SKI: variants seen among roughly 807,000 people sequenced by gnomAD.
SKI encodes ski oncogene.
SKI carries 23 observed loss-of-function variants against 59.3 expected under a neutral mutation model. The ratio of observed to expected loss-of-function variants is 0.39; its 90% CI spans 0.28 to 0.55. SKI has a LOEUF of 0.55. Among genes scored for constraint, SKI ranks in the 20% least tolerant of loss-of-function variants. SKI has a pLI of 0.67. For missense variants in SKI, 1,017 were observed against 1,038.9 expected, an observed-to-expected ratio of 0.98 and a Z score of 0.29; for synonymous variants, 673 against 488.6, an observed-to-expected ratio of 1.38 and a Z score of -4.98.
chr1:2,249,217 G>GGGT (rs1639065902), intron 1 of SKI, among the ~76,000 whole-genome samples: 1 of 152,224 alleles, frequency 6.6e-6, no homozygotes, highest in African/African-American at 2.4e-5. Context: ...CTGGGCATCA[G>GGGT]GTCCCATTGT....
intron 1 of SKI, among the ~76,000 whole-genome samples, chr1:2,300,080 T>A (rs1276219765): frequency 6.6e-6 from 1 of 152,202 alleles, no homozygotes; most frequent in Non-Finnish European, 1.5e-5. Context: ...AGCCCAGCCC[T>A]GCCCTGCCCT....
chr1:2,299,279 G>A (rs1290473522), intron 1 of SKI, among the ~76,000 whole-genome samples: 1 of 152,192 alleles, frequency 6.6e-6, no homozygotes, highest in Non-Finnish European at 1.5e-5. Context: ...GGGCAGGCGG[G>A]GCAGCAGCTT....
intron 1 of SKI, among the ~76,000 whole-genome samples, chr1:2,293,565 C>T (rs1476776686): frequency 2.6e-5 from 4 of 152,174 alleles, no homozygotes; most frequent in Admixed American, 6.5e-5. Context: ...TTTCTTTGAA[C>T]GGTTTTTATT....
intron 1 of SKI, among the ~76,000 whole-genome samples, chr1:2,289,388 T>C (rs907329869): frequency 3.9e-5 from 6 of 151,928 alleles, no homozygotes; most frequent in Non-Finnish European, 7.4e-5. Flanking sequence ...CGAGGGCTGG[T>C]CACCACGTGG....
Position 2,306,820 on chromosome 1 carries a change from C to G in SKI, c.*55C>G. The stretch of plus-strand genomic sequence containing the variant: ...ACAACGCGGGTGCAGGGGGGCGCGG[C>G]TGGGCGGTGCAGCTCCGCCCGGCTC... On this transcript the variant is annotated 3_prime_UTR_variant, in exon 7 of 7. Transcript: ENST00000378536. 1 of 1,299,528 alleles carries G rather than the reference C, an allele frequency of 7.7e-7. No individual in the cohort carries two copies. The highest frequency in any genetic ancestry group is 9.9e-7 in the Non-Finnish European group (1 of 1,008,936). The allele number at this position is 1,299,528 out of a possible 1,614,324, so 80.5% of individuals were successfully genotyped here.
At chr1:2,282,606 G>T (rs1367225788) in intron 1 of SKI, among the ~76,000 whole-genome samples, 2 of 152,196 alleles carry the variant, frequency 1.3e-5, no homozygotes, top group Non-Finnish European at 2.9e-5. Flanking sequence ...ACCAGGGCAG[G>T]GCCTCCGAAC....
intron 1 of SKI, among the ~76,000 whole-genome samples, chr1:2,294,657 C>T (rs914390292): frequency 6.6e-6 from 1 of 152,252 alleles, no homozygotes; most frequent in Admixed American, 6.5e-5. Flanking sequence ...TGCTGGTTGC[C>T]AGGGATGGCT....
Position 2,229,275 on chromosome 1 carries a change from C to A in SKI, c.509C>A (p.Ser170Ter). Residue 170 changes from serine to a stop codon, truncating the protein, a stop_gained, in exon 1 of 7, where the codon TCG becomes TAG. Coordinates refer to ENST00000378536, the MANE Select transcript of SKI (RefSeq NM_003036.4). LOFTEE classifies it high-confidence loss of function. The surrounding 1 kb of genome is among the most constrained non-coding windows in gnomAD (Gnocchi z 6.3). ...AAAGTCATGGGCATCCTGCCCTTCT[C>A]GGCGCCCTCGTGCGGGCTCATCACC... is the stretch of plus-strand genomic sequence containing the variant. ...ILKVMGILPF[S>*]APSCGLITKT... The A allele has an allele frequency of 6.3e-7, 1 of 1,596,694 alleles. No individual in the cohort carries two copies.
At chr1:2,257,507 C>T (rs1557824276) in intron 1 of SKI, among the ~76,000 whole-genome samples, 1 of 152,244 alleles carries the variant, frequency 6.6e-6, no homozygotes, top group Non-Finnish European at 1.5e-5. Flanking sequence ...GGCCCCCAGC[C>T]GCCTCCTCCC....
chr1:2,258,405 A>T (rs763160419), intron 1 of SKI, among the ~76,000 whole-genome samples: 28 of 152,058 alleles, frequency 1.8e-4, no homozygotes, highest in Non-Finnish European at 2.9e-4. Flanking sequence ...GGCGTCATGG[A>T]AGAACAGCAG....
chr1:2,256,194 C>T lies in SKI; in HGVS notation c.969+26459C>T, dbSNP rs118018485. On this transcript the variant is annotated intron_variant, in intron 1 of 6. Coordinates refer to ENST00000378536, the MANE Select transcript of SKI (RefSeq NM_003036.4). ...TATCTGTGCCACTCTGTGTCCTGAC[C>T]TCATTTCCTGTCTGGAGCACTCTGT... 4.0e-4 allele frequency among the ~76,000 whole-genome samples: 60 copies of T among 151,778 alleles called. No individual in the cohort carries two copies. In the East Asian group the frequency reaches 0.012, roughly 29 times the overall value.
intron 1 of SKI, among the ~76,000 whole-genome samples, chr1:2,230,624 C>T (rs1039579729): frequency 2.0e-5 from 3 of 152,282 alleles, no homozygotes; most frequent in Non-Finnish European, 2.9e-5. Context: ...CTATGGGATC[C>T]GGCATGGGCA....
Position 2,309,242 on chromosome 1 carries a change from G to C in SKI, c.*2477G>C, listed in dbSNP as rs576474146. ...TCAGCAGAAGGGGGAAGAGGTGTCC[G>C]CTGTGTGGGCTGCTGACTCCTCTGT... On this transcript the variant is annotated 3_prime_UTR_variant, in exon 7 of 7. Transcript: ENST00000378536. 1 of 152,222 alleles carries C rather than the reference G, an allele frequency of 6.6e-6. No homozygotes were observed. Among genetic ancestry groups the C allele is most frequent in the Non-Finnish European group, 1.5e-5 (1 of 68,040 alleles). The allele number at this position is 152,222 out of a possible 1,614,324, so 9.4% of individuals were successfully genotyped here. A position where few individuals can be genotyped will look rare whatever the true frequency, so the allele number is the denominator to read the frequency against.
intron 1 of SKI, among the ~76,000 whole-genome samples, chr1:2,293,342 T>C (rs896231953): frequency 2.0e-5 from 3 of 151,620 alleles, no homozygotes; most frequent in Non-Finnish European, 2.9e-5. Flanking sequence ...GGGCCCTGAG[T>C]GGTGTTGCCC....
chr1:2,289,932 G>A (rs997639273), intron 1 of SKI, among the ~76,000 whole-genome samples: 50 of 152,158 alleles, frequency 3.3e-4, no homozygotes, highest in African/African-American at 1.1e-3. Context: ...CAGAGGGGGT[G>A]CAGGAGGCGC....
At chr1:2,248,570 G>A (rs1157278981) in intron 1 of SKI, among the ~76,000 whole-genome samples, 1 of 152,160 alleles carries the variant, frequency 6.6e-6, no homozygotes, top group Non-Finnish European at 1.5e-5. Context: ...GCCTGGACAG[G>A]CAGCCTTTGA....
intron 1 of SKI, among the ~76,000 whole-genome samples, chr1:2,249,491 T>A (rs1463106928): frequency 6.6e-6 from 1 of 152,196 alleles, no homozygotes; most frequent in African/African-American, 2.4e-5. Context: ...TGGTCCCGGG[T>A]GGCCGGCTCC....
At chr1:2,298,905 C>A (rs557310245) in intron 1 of SKI, among the ~76,000 whole-genome samples, 2 of 152,352 alleles carry the variant, frequency 1.3e-5, no homozygotes, top group East Asian at 3.9e-4. Context: ...ACTCCCGCCT[C>A]CCCGGAGTCT....
At position 2,306,642 on chromosome 1, in the gene SKI, G is replaced by C. The variant is rs1057522396; in HGVS notation, c.2064G>C (p.Leu688=). 3 of 1,545,028 alleles carry C rather than the reference G, an allele frequency of 1.9e-6. No homozygotes were observed. Among genetic ancestry groups the C allele is most frequent in the South Asian group, 1.2e-5 (1 of 83,786 alleles). Residue 688 remains leucine, a synonymous_variant, in exon 7 of 7, where the codon CTG becomes CTC. Coordinates refer to ENST00000378536, the MANE Select transcript of SKI (RefSeq NM_003036.4). ...EADREQLRAD[L]LREREAREHL... is the part of the protein sequence containing the mutation. Reference sequence around the variant, plus strand: ...ACCGGGAGCAGCTGCGGGCCGACCTGCTGCGGGAGCGCGAGGCCCGGGAGC... The same window carrying C: ...ACCGGGAGCAGCTGCGGGCCGACCTCCTGCGGGAGCGCGAGGCCCGGGAGC...
Sources: allele counts gnomAD v4.1 joint callset (sites outside exome capture counted in the v4.1 genomes callset), GRCh38; gene constraint gnomAD v4.1.1; non-coding constraint Gnocchi (gnomAD v3.1); transcripts MANE v1.5; gene names NCBI Gene and HGNC (gene_info 2026-07-23, HGNC 2026-07-21).